CENPP: variants seen among roughly 807,000 people sequenced by gnomAD.
CENPP encodes centromere protein P.
A neutral mutation model predicts 35.6 loss-of-function variants in CENPP; 24 were observed. That is an observed-to-expected ratio of 0.67 (90% CI 0.49 to 0.95). The LOEUF (loss-of-function observed/expected upper bound fraction) is 0.95, where lower values mean the gene tolerates loss of function less well. Among genes scored for constraint, CENPP ranks in the 40% least tolerant of loss-of-function variants. The pLI is 0.00. For missense variants in CENPP, 332 were observed against 345.3 expected (o/e 0.96, Z 0.31); for synonymous variants, 120 against 125.5 (o/e 0.96, Z 0.29).
At chr9:92,542,597 A>G (rs1003982660) in intron 5 of CENPP, among the ~76,000 whole-genome samples, 1 of 151,936 alleles carries the variant, frequency 6.6e-6, no homozygotes, top group Non-Finnish European at 1.5e-5. Flanking sequence ...GCTCACTGCA[A>G]TCTCTGCCTC....
At chr9:92,326,845 G>C (rs768779088) in intron 1 of CENPP, among the ~76,000 whole-genome samples, 1 of 152,172 alleles carries the variant, frequency 6.6e-6, no homozygotes, top group Non-Finnish European at 1.5e-5. Context: ...TTCAATTTTT[G>C]AGTCAAGAGT....
At chr9:92,448,355 T>A (rs1048193733) in intron 5 of CENPP, among the ~76,000 whole-genome samples, 3 of 151,850 alleles carry the variant, frequency 2.0e-5, no homozygotes, top group African/African-American at 7.3e-5. Flanking sequence ...CTGCAGCCTC[T>A]GCCTCCCAGG....
At chr9:92,574,205 A>G (rs1850223959) in intron 5 of CENPP, among the ~76,000 whole-genome samples, 1 of 152,124 alleles carries the variant, frequency 6.6e-6, no homozygotes, top group South Asian at 2.1e-4. Context: ...CTGTTCAGCC[A>G]TCTTGGAACC....
chr9:92,462,928 G>A (rs1845171452), intron 5 of CENPP, among the ~76,000 whole-genome samples: 1 of 152,206 alleles, frequency 6.6e-6, no homozygotes, highest in South Asian at 2.1e-4. Context: ...TACAAAGTTG[G>A]AAGAGAATAA....
intron 4 of CENPP, among the ~76,000 whole-genome samples, chr9:92,376,019 G>A (rs538485022): frequency 6.6e-6 from 1 of 152,266 alleles, no homozygotes; most frequent in African/African-American, 2.4e-5. Flanking sequence ...TTTTGGTTCT[G>A]TATGGGGACA....
intron 1 of CENPP, among the ~76,000 whole-genome samples, chr9:92,327,079 C>T (rs972660216): frequency 1.3e-5 from 2 of 152,190 alleles, no homozygotes; most frequent in African/African-American, 2.4e-5. Flanking sequence ...ACAGATGGGA[C>T]GCTTTAGCAT....
chr9:92,570,073 C>T (rs986484913), intron 5 of CENPP, among the ~76,000 whole-genome samples: 4 of 152,244 alleles, frequency 2.6e-5, no homozygotes, highest in African/African-American at 4.8e-5. Context: ...CCCTTTATTT[C>T]TTTCTCCCGC....
chr9:92,606,062 A>G (rs967076296), intron 5 of CENPP, among the ~76,000 whole-genome samples: 1 of 152,112 alleles, frequency 6.6e-6, no homozygotes, highest in African/African-American at 2.4e-5. Context: ...AGAGTTCAAG[A>G]CCAGCCTGGG....
intron 3 of CENPP, among the ~76,000 whole-genome samples, chr9:92,344,765 T>C (rs1009643045): frequency 2.7e-5 from 4 of 149,878 alleles, no homozygotes; most frequent in Non-Finnish European, 5.9e-5. Flanking sequence ...GTCAGGATGG[T>C]CTCCAACTCC....
chr9:92,590,737 C>T (rs117019668), intron 5 of CENPP, among the ~76,000 whole-genome samples: 4,437 of 152,320 alleles, frequency 0.029, 89 homozygotes, highest in Middle Eastern at 0.051. Flanking sequence ...GTTTCTTCAA[C>T]TGTCATTTAA....
chr9:92,526,714 A>T (rs563364386), intron 5 of CENPP, among the ~76,000 whole-genome samples: 19 of 152,134 alleles, frequency 1.2e-4, no homozygotes, highest in East Asian at 5.8e-4. Flanking sequence ...AAAATTTTTT[A>T]AAAAATAAAA....
At chr9:92,495,369 CAT>C (rs1240486638) in intron 5 of CENPP, 1 of 974,746 alleles carries the variant, frequency 1.0e-6, no homozygotes, top group African/African-American at 1.8e-5. Flanking sequence ...ATAGTAAAGA[CAT>C]AGCTTTATTT....
chr9:92,441,944 G>A (rs1049470054), intron 5 of CENPP, among the ~76,000 whole-genome samples: 4 of 152,080 alleles, frequency 2.6e-5, no homozygotes, highest in African/African-American at 9.7e-5. Flanking sequence ...TATGGTAATT[G>A]TATTGTAGTT....
intron 4 of CENPP, among the ~76,000 whole-genome samples, chr9:92,347,357 CA>C (rs1841320528): frequency 6.6e-6 from 1 of 152,178 alleles, no homozygotes; most frequent in Admixed American, 6.5e-5. Context: ...TAATAATGAG[CA>C]TATTATAGTT....
chr9:92,588,881 T>C (rs1228759701), intron 5 of CENPP, among the ~76,000 whole-genome samples: 2 of 152,146 alleles, frequency 1.3e-5, no homozygotes, highest in Non-Finnish European at 2.9e-5. Context: ...TTGCAAGAGT[T>C]AGTAAATCCC....
chr9:92,616,605 C>T lies in CENPP; in HGVS notation c.*3456C>T, dbSNP rs991502691. On this transcript the variant is annotated 3_prime_UTR_variant, in exon 8 of 8. Coordinates refer to ENST00000375587, the MANE Select transcript of CENPP (RefSeq NM_001012267.3). ...TCCTTTGGTTCACATTTGAAGAGAT[C>T]TGGTTTCTCATTTTATTCTCAAATT... The T allele has an allele frequency of 2.0e-5, 3 of 152,914 alleles. No individual in the cohort carries two copies. The highest frequency in any genetic ancestry group is 7.2e-5 in the African/African-American group (3 of 41,444). The allele number at this position is 152,914 out of a possible 1,614,324, so 9.5% of individuals were successfully genotyped here.
At chr9:92,464,941 T>C in intron 5 of CENPP, 1 of 1,612,468 alleles carries the variant, frequency 6.2e-7, no homozygotes, top group Middle Eastern at 1.7e-4. Context: ...AGGTCAGTTT[T>C]GCTTCTGCAA....
intron 3 of CENPP, among the ~76,000 whole-genome samples, chr9:92,342,786 T>C (rs1050372481): frequency 1.3e-5 from 2 of 152,246 alleles, no homozygotes; most frequent in Admixed American, 6.5e-5. Flanking sequence ...TTTTGAAATG[T>C]TTATTACTTA....
At chr9:92,378,437 A>G (rs1233358493) in intron 4 of CENPP, among the ~76,000 whole-genome samples, 2 of 152,138 alleles carry the variant, frequency 1.3e-5, no homozygotes. Context: ...ACAGACTGGG[A>G]TATACAGGAG....
Sources: allele counts gnomAD v4.1 joint callset (sites outside exome capture counted in the v4.1 genomes callset), GRCh38; gene constraint gnomAD v4.1.1; transcripts MANE v1.5; gene names NCBI Gene and HGNC (gene_info 2026-07-23, HGNC 2026-07-21).